TACC2: variants seen among roughly 807,000 people sequenced by gnomAD.
The protein encoded by TACC2 is transforming acidic coiled-coil containing protein 2.
A neutral mutation model predicts 227.3 loss-of-function variants in TACC2; 137 were observed. The observed-to-expected ratio is 0.60, with a 90% CI of 0.52 to 0.69. TACC2 has a LOEUF of 0.69. Ranked by LOEUF, TACC2 falls within the 30% of genes least tolerant of loss-of-function variation. TACC2 has a pLI of 0.00. For synonymous variants in TACC2, 1,523 were observed against 1,487.5 expected (o/e 1.02, Z -0.55); for missense variants, 3,470 against 3,694.4 (o/e 0.94, Z 1.57).
Position 122,019,014 on chromosome 10 carries a change from T to A in TACC2, c.-45-2923T>A, listed in dbSNP as rs188071775. ...GCGCTTCCATTTGCCTGAAAGGCTC[T>A]GCCCTACACAAAAATAGAAACTGGT... On this transcript the variant is annotated intron_variant, in intron 1 of 22. Transcript: ENST00000369005. Among the ~76,000 whole-genome samples, 6 of 152,366 alleles carry A rather than the reference T, an allele frequency of 3.9e-5. No homozygotes were observed. The East Asian group carries it at 1.2e-3, about 29-fold the overall frequency.
intron 1 of TACC2, among the ~76,000 whole-genome samples, chr10:122,008,021 C>T (rs942514477): frequency 1.2e-4 from 18 of 152,134 alleles, no homozygotes; most frequent in African/African-American, 4.3e-4. Context: ...GCCCTCACCG[C>T]GTGTGGCTCC....
At chr10:122,121,167 C>A (rs530923475) in intron 5 of TACC2, among the ~76,000 whole-genome samples, 1 of 152,088 alleles carries the variant, frequency 6.6e-6, no homozygotes, top group Non-Finnish European at 1.5e-5. Flanking sequence ...GCAGGAGAGG[C>A]GGGAGGGAGG....
intron 2 of TACC2, among the ~76,000 whole-genome samples, chr10:122,028,087 T>TTTTTTTTTTTTTTTTTTTTTTTC (rs1958313658): frequency 9.0e-6 from 1 of 111,322 alleles, no homozygotes; most frequent in Non-Finnish European, 1.8e-5. Flanking sequence ...TTTCTTTCTT[T>TTTTTTTTTTTTTTTTTTTTTTTC]TTTTTTTTTT....
At chr10:122,040,761 T>A (rs1038910330) in intron 2 of TACC2, among the ~76,000 whole-genome samples, 2 of 152,186 alleles carry the variant, frequency 1.3e-5, no homozygotes, top group African/African-American at 4.8e-5. Flanking sequence ...AAAAACATAA[T>A]TTTCAACTCT....
At chr10:122,186,368 C>G (rs2094192494) in intron 7 of TACC2, among the ~76,000 whole-genome samples, 2 of 152,092 alleles carry the variant, frequency 1.3e-5, no homozygotes, top group Admixed American at 1.3e-4. Context: ...TGGCACACAG[C>G]TGTGGTCCCA....
intron 7 of TACC2, among the ~76,000 whole-genome samples, chr10:122,190,435 G>GT (rs1463775461): frequency 2.6e-5 from 4 of 152,130 alleles, no homozygotes; most frequent in Non-Finnish European, 4.4e-5. Flanking sequence ...TTGAAAAAAC[G>GT]TTTTTAAGCC....
At chr10:122,167,155 C>T (rs1323996351) in intron 7 of TACC2, among the ~76,000 whole-genome samples, 3 of 152,232 alleles carry the variant, frequency 2.0e-5, no homozygotes, top group South Asian at 2.1e-4. Context: ...AGCGGTGGTT[C>T]TGTTGGCAAA....
At chr10:122,177,518 A>G (rs140230322) in intron 7 of TACC2, among the ~76,000 whole-genome samples, 10 of 152,238 alleles carry the variant, frequency 6.6e-5, no homozygotes, top group African/African-American at 2.4e-4. Context: ...ACAGGGCACA[A>G]TGATTGCACC....
At chr10:122,137,657 A>G (rs1258582193) in intron 6 of TACC2, among the ~76,000 whole-genome samples, 3 of 152,214 alleles carry the variant, frequency 2.0e-5, no homozygotes, top group South Asian at 4.2e-4. Flanking sequence ...TACTTACTGG[A>G]CTTGTGTCTG....
rs541317883 is a variant in TACC2, at chr10:122,249,295, G to T, written c.8660+139G>T. ...CCAAGTGTGTGTTTCAATAAGACTC[G>T]AGAGAAGGCACACAGTTAGCATCAT... is the stretch of plus-strand genomic sequence containing the variant. On this transcript the variant is annotated intron_variant, in intron 21 of 22. Transcript: ENST00000369005. The T allele has an allele frequency of 1.2e-4, 87 of 738,798 alleles. 2 individuals carry two copies. In the South Asian group the frequency reaches 1.5e-3, roughly 13 times the overall value. 45.8% of individuals were successfully genotyped at this position (738,798 alleles called of 1,614,324 possible).
chr10:122,162,525 A>C (rs777999811), intron 7 of TACC2, among the ~76,000 whole-genome samples: 2 of 152,116 alleles, frequency 1.3e-5, no homozygotes, highest in Non-Finnish European at 1.5e-5. Context: ...GAGCGCAGGA[A>C]GCGGTTGTGT....
At chr10:122,126,562 G>A (rs2138629332) in intron 5 of TACC2, among the ~76,000 whole-genome samples, 1 of 152,188 alleles carries the variant, frequency 6.6e-6, no homozygotes, top group Admixed American at 6.5e-5. Flanking sequence ...TTCTGTATAT[G>A]CAAGCTCCTC....
chr10:122,175,083 A>G (rs566540291), intron 7 of TACC2, among the ~76,000 whole-genome samples: 6 of 152,180 alleles, frequency 3.9e-5, no homozygotes, highest in Non-Finnish European at 7.4e-5. Flanking sequence ...TGATCCTCCC[A>G]TCTCAGCCTC....
rs569769798 is a variant in TACC2 at position 122,160,948 on chromosome 10, G to T, written c.5834+17242G>T. Among the ~76,000 whole-genome samples the T allele has an allele frequency of 3.3e-5, 5 of 152,178 alleles. No homozygotes were observed. The South Asian group carries it at 6.2e-4, about 19-fold the overall frequency. On this transcript the variant is annotated intron_variant, in intron 7 of 22. Transcript: ENST00000369005. ...CCACATTCTATTTGTTTCTCTCCTG[G>T]TTCTTTTTTTTGGAGACAGGGTCTC...
chr10:122,117,911 A>C (rs1226770933), intron 5 of TACC2, among the ~76,000 whole-genome samples: 1 of 150,100 alleles, frequency 6.7e-6, no homozygotes, highest in African/African-American at 2.5e-5. Flanking sequence ...TACCCAGGAC[A>C]CCCCTCCCTC....
chr10:122,193,783 C>T (rs946656668), intron 7 of TACC2, among the ~76,000 whole-genome samples: 10 of 152,158 alleles, frequency 6.6e-5, no homozygotes, highest in Admixed American at 1.3e-4. Context: ...GGCTCAGGAC[C>T]GTGGGCCCTT....
At chr10:122,071,776 A>G (rs1176990068) in intron 3 of TACC2, among the ~76,000 whole-genome samples, 3 of 148,650 alleles carry the variant, frequency 2.0e-5, no homozygotes, top group African/African-American at 2.5e-5. Flanking sequence ...AATCCCAGCT[A>G]CTCAGGAGGC....
intron 3 of TACC2, among the ~76,000 whole-genome samples, chr10:122,073,871 C>G (rs2078441671): frequency 6.6e-6 from 1 of 152,130 alleles, no homozygotes; most frequent in South Asian, 2.1e-4. Context: ...ACTCCGCCTC[C>G]TGGGTTCACA....
At chr10:122,179,892 T>C (rs965328567) in intron 7 of TACC2, among the ~76,000 whole-genome samples, 6 of 151,874 alleles carry the variant, frequency 4.0e-5, no homozygotes, top group African/African-American at 1.5e-4. Context: ...CCAGCCTGGG[T>C]AGCATAGGGA....
Sources: allele counts gnomAD v4.1 joint callset (sites outside exome capture counted in the v4.1 genomes callset), GRCh38; gene constraint gnomAD v4.1.1; transcripts MANE v1.5; gene names NCBI Gene and HGNC (gene_info 2026-07-23, HGNC 2026-07-21).